Variants in CSMD1 observed in about 807,000 individuals in gnomAD.
The protein encoded by CSMD1 is CUB and Sushi multiple domains 1.
Under a neutral mutation model 417.5 loss-of-function variants are expected in CSMD1, and 213 were observed. That is an observed-to-expected ratio of 0.51 (90% confidence interval 0.46 to 0.57). CSMD1 has a LOEUF of 0.57. Among genes scored for constraint, CSMD1 ranks in the 20% least tolerant of loss-of-function variants. The probability of loss-of-function intolerance (pLI) is 0.00; values close to 1 mark genes in which losing one functional copy is unlikely to be tolerated. For synonymous variants in CSMD1, 2,862 were observed against 1,736.8 expected, an observed-to-expected ratio of 1.65 and a Z score of -16.11; for missense variants, 6,923 against 4,529.7, an observed-to-expected ratio of 1.53 and a Z score of -15.17.
chr8:2,991,804 A>G (rs1002013975), intron 54 of CSMD1, among the ~76,000 whole-genome samples: 5 of 152,238 alleles, frequency 3.3e-5, no homozygotes, highest in African/African-American at 1.2e-4. Context: ...GAACTGCAGT[A>G]GTCATGGACA....
At chr8:4,506,700 A>T (rs146171162) in intron 2 of CSMD1, among the ~76,000 whole-genome samples, 281 of 152,334 alleles carry the variant, frequency 1.8e-3, no homozygotes, top group Middle Eastern at 0.01. Context: ...CTGAATAAGG[A>T]GTCAGCTTCT....
chr8:3,080,698 T>G (rs1276890813), intron 49 of CSMD1, among the ~76,000 whole-genome samples: 3 of 152,142 alleles, frequency 2.0e-5, no homozygotes, highest in Non-Finnish European at 2.9e-5. Context: ...CAATCATAAT[T>G]GGCATGCATG....
chr8:4,287,361 C>G (rs185210131), intron 3 of CSMD1, among the ~76,000 whole-genome samples: 1 of 152,132 alleles, frequency 6.6e-6, no homozygotes, highest in Non-Finnish European at 1.5e-5. Context: ...AGAAAGCACA[C>G]AATCTAGAGG....
intron 1 of CSMD1, among the ~76,000 whole-genome samples, chr8:4,813,658 G>A (rs980996078): frequency 6.6e-6 from 1 of 152,138 alleles, no homozygotes; most frequent in Non-Finnish European, 1.5e-5. Flanking sequence ...CAATTTACAC[G>A]TTGCAAGAGA....
chr8:4,281,287 G>C (rs956496000), intron 3 of CSMD1, among the ~76,000 whole-genome samples: 1 of 152,200 alleles, frequency 6.6e-6, no homozygotes, highest in African/African-American at 2.4e-5. Flanking sequence ...GAAAATAGAA[G>C]GTAGAGATAT....
intron 25 of CSMD1, among the ~76,000 whole-genome samples, chr8:3,298,625 T>G (rs1405752313): frequency 6.6e-6 from 1 of 152,206 alleles, no homozygotes; most frequent in African/African-American, 2.4e-5. Context: ...TGCTTATTTT[T>G]TAATTTTTAA....
chr8:3,485,911 A>G (rs1173722923), intron 11 of CSMD1, among the ~76,000 whole-genome samples: 1 of 152,188 alleles, frequency 6.6e-6, no homozygotes, highest in Non-Finnish European at 1.5e-5. Context: ...GTAGATTTGC[A>G]AAACATTTCC....
In CSMD1 at chr8:3,396,118, T is replaced by A. The variant is rs941117964; in HGVS notation, c.2593+76A>T. 22 of 1,293,848 alleles carry A rather than the reference T, an allele frequency of 1.7e-5. No homozygotes were observed. In the Admixed American group the frequency reaches 4.5e-4, roughly 26 times the overall value. 80.1% of individuals were successfully genotyped at this position (1,293,848 alleles called of 1,614,324 possible). Reference sequence around the variant, plus strand: ...TAAACTAGCACAGTCATCTGCAGGCTGGAAATAAGAACCCAGATCTTTAGT... The same window carrying A: ...TAAACTAGCACAGTCATCTGCAGGCAGGAAATAAGAACCCAGATCTTTAGT... On this transcript the variant is annotated intron_variant, in intron 17 of 69. Transcript: ENST00000635120.
intron 12 of CSMD1, among the ~76,000 whole-genome samples, chr8:3,466,730 G>C (rs188713641): frequency 1.5e-3 from 222 of 151,920 alleles, no homozygotes; most frequent in African/African-American, 5.2e-3. Flanking sequence ...TGCCCGGGCT[G>C]TTTTCTGATA....
At chr8:4,167,210 T>A (rs1797505036) in intron 3 of CSMD1, among the ~76,000 whole-genome samples, 1 of 152,174 alleles carries the variant, frequency 6.6e-6, no homozygotes, top group Admixed American at 6.5e-5. Flanking sequence ...GTATTTTAAC[T>A]TGGAAAATCC....
intron 1 of CSMD1, among the ~76,000 whole-genome samples, chr8:4,807,038 T>G (rs1798629062): frequency 6.6e-6 from 1 of 152,208 alleles, no homozygotes; most frequent in African/African-American, 2.4e-5. Context: ...CATCTCAAAA[T>G]AGACTTATCT....
chr8:4,200,206 G>A (rs961247063), intron 3 of CSMD1, among the ~76,000 whole-genome samples: 6 of 152,124 alleles, frequency 3.9e-5, no homozygotes, highest in Admixed American at 1.3e-4. Context: ...TAAATGTTAT[G>A]TTATGAAATT....
chr8:3,091,548 G>T lies in CSMD1; in HGVS notation c.7253C>A (p.Thr2418Asn), dbSNP rs1814949002. 3 of 1,605,716 alleles carry T rather than the reference G, an allele frequency of 1.9e-6. No homozygotes were observed. Among genetic ancestry groups the T allele is most frequent in the African/African-American group, 2.7e-5 (2 of 74,556 alleles). Residue 2418 changes from threonine (T) to asparagine (N), a missense_variant, in exon 48 of 70, where the codon ACC becomes AAC. Coordinates refer to ENST00000635120, the MANE Select transcript of CSMD1 (RefSeq NM_033225.6). The part of the protein sequence containing the change: ...LYLRWSTDHA[T>N]SKKGFKIRYA... Reference sequence around the variant, plus strand: ...GCGAATCTTGAATCCTTTCTTACTGGTGGCATGGTCAGTGGACCAGCGGAG... The same window carrying T: ...GCGAATCTTGAATCCTTTCTTACTGTTGGCATGGTCAGTGGACCAGCGGAG...
At chr8:4,262,901 A>C (rs2128843157) in intron 3 of CSMD1, among the ~76,000 whole-genome samples, 1 of 152,320 alleles carries the variant, frequency 6.6e-6, no homozygotes, top group East Asian at 1.9e-4. Context: ...CCATCACAGA[A>C]GTCATCATTT....
At chr8:3,463,131 C>G (rs1816612543) in intron 12 of CSMD1, among the ~76,000 whole-genome samples, 1 of 152,198 alleles carries the variant, frequency 6.6e-6, no homozygotes, top group Admixed American at 6.5e-5. Flanking sequence ...CCAACTCTAT[C>G]TCCATATTCT....
chr8:4,638,015 G>C (rs940637393), intron 1 of CSMD1, among the ~76,000 whole-genome samples: 1 of 152,106 alleles, frequency 6.6e-6, no homozygotes, highest in Non-Finnish European at 1.5e-5. Flanking sequence ...AAATATTGAA[G>C]GATAAATTAA....
At chr8:3,170,467 C>A (rs1232379347) in intron 37 of CSMD1, among the ~76,000 whole-genome samples, 2 of 152,210 alleles carry the variant, frequency 1.3e-5, no homozygotes, top group Non-Finnish European at 2.9e-5. Context: ...CTCGGCCTCC[C>A]AAAGTGCTGG....
chr8:4,075,722 G>C (rs1799786899), intron 3 of CSMD1, among the ~76,000 whole-genome samples: 2 of 152,104 alleles, frequency 1.3e-5, no homozygotes, highest in South Asian at 2.1e-4. Context: ...TGTAGAAACG[G>C]TTTGCATGTT....
intron 6 of CSMD1, among the ~76,000 whole-genome samples, chr8:3,747,348 C>A (rs907885833): frequency 3.3e-5 from 5 of 151,842 alleles, no homozygotes; most frequent in Non-Finnish European, 7.4e-5. Flanking sequence ...CCATCATTTT[C>A]TTTGGAAGAG....
Sources: gnomAD v4.1 joint callset for allele counts (sites outside exome capture counted in the v4.1 genomes callset) on GRCh38, gnomAD v4.1.1 for gene constraint, MANE v1.5 for transcripts, NCBI Gene and HGNC (gene_info 2026-07-23, HGNC 2026-07-21) for gene names.